The following UNC13C variants were observed in gnomAD, a reference collection of about 807,000 sequenced individuals.
The protein encoded by UNC13C is unc-13 homolog C.
Under a neutral mutation model 245.4 loss-of-function variants are expected in UNC13C, and 174 were observed. The ratio of observed to expected loss-of-function variants is 0.71; its 90% CI spans 0.63 to 0.80. The LOEUF is 0.80. Among genes scored for constraint, UNC13C ranks in the 30% least tolerant of loss-of-function variants. UNC13C has a pLI of 0.00. For missense variants in UNC13C, 2,829 were observed against 2,602.9 expected, an observed-to-expected ratio of 1.09 and a Z score of -1.89; for synonymous variants, 992 against 895.1, an observed-to-expected ratio of 1.11 and a Z score of -1.93.
the UNC13C span, among the ~76,000 whole-genome samples, chr15:53,944,947 A>G: frequency 2.0e-5 from 3 of 152,140 alleles, no homozygotes; most frequent in Admixed American, 1.3e-4. Context: ...CTTTTTAATA[A>G]TAGCCATTCT....
chr15:53,844,899 A>G, the UNC13C span, among the ~76,000 whole-genome samples: 7 of 152,286 alleles, frequency 4.6e-5, no homozygotes, highest in South Asian at 4.1e-4. Context: ...GTTTGTCACC[A>G]TGTTGTCTTT....
intron 17 of UNC13C, among the ~76,000 whole-genome samples, chr15:54,368,287 T>C (rs1466617064): frequency 6.6e-6 from 1 of 152,202 alleles, no homozygotes; most frequent in Non-Finnish European, 1.5e-5. Flanking sequence ...GAATTTGTTT[T>C]CTGCTACAGT....
chr15:53,982,049 G>A (rs1893948116), intron 1 of UNC13C, among the ~76,000 whole-genome samples: 1 of 152,070 alleles, frequency 6.6e-6, no homozygotes. Flanking sequence ...AGAAAGATAG[G>A]AACTCAACAT....
At chr15:54,016,724 C>G (rs935002171) in intron 2 of UNC13C, among the ~76,000 whole-genome samples, 1 of 152,168 alleles carries the variant, frequency 6.6e-6, no homozygotes, top group South Asian at 2.1e-4. Context: ...CAACTTCCTC[C>G]GCACTTATTC....
At chr15:54,191,863 G>C (rs146000843) in intron 4 of UNC13C, among the ~76,000 whole-genome samples, 274 of 152,166 alleles carry the variant, frequency 1.8e-3, no homozygotes, top group Middle Eastern at 3.4e-3. Flanking sequence ...TTTGAGAAGT[G>C]TCTGTTCATA....
At chr15:54,324,694 G>A (rs1382867133) in intron 14 of UNC13C, among the ~76,000 whole-genome samples, 6 of 151,916 alleles carry the variant, frequency 3.9e-5, no homozygotes, top group South Asian at 2.1e-4. Context: ...AAACTATTTT[G>A]GGAAAAGGGT....
chr15:53,878,606 C>G, the UNC13C span, among the ~76,000 whole-genome samples: 2 of 152,070 alleles, frequency 1.3e-5, no homozygotes, highest in African/African-American at 4.8e-5. Flanking sequence ...CCATGCACTT[C>G]TTGTCTGTGC....
In UNC13C at chr15:54,624,270, T is replaced by C. The variant is rs143451129; in HGVS notation, c.6359+316T>C. ...GCATTAAATACAATATGCAGAACTA[T>C]GTGGTAAGTGCTATGACTAGCTGCT... is the stretch of plus-strand genomic sequence containing the variant. On this transcript the variant is annotated intron_variant, in intron 32 of 32. Transcript: ENST00000260323. Among the ~76,000 whole-genome samples the C allele has an allele frequency of 1.1e-3, 171 of 152,278 alleles. 1 individual carries two copies. In the East Asian group the frequency reaches 0.03, roughly 27 times the overall value.
intron 4 of UNC13C, among the ~76,000 whole-genome samples, chr15:54,185,613 C>G (rs1194533933): frequency 2.7e-5 from 4 of 147,432 alleles, no homozygotes; most frequent in African/African-American, 1.1e-4. Flanking sequence ...GGGCTCTGTT[C>G]TGTTCCATTG....
chr15:54,329,712 T>C (rs536092315), intron 14 of UNC13C, among the ~76,000 whole-genome samples: 1 of 152,106 alleles, frequency 6.6e-6, no homozygotes, highest in Non-Finnish European at 1.5e-5. Flanking sequence ...ATACTTTTAA[T>C]TTCACATCAT....
At chr15:54,050,162 G>A (rs1351920986) in intron 2 of UNC13C, 35 of 435,600 alleles carry the variant, frequency 8.0e-5, no homozygotes, top group South Asian at 6.0e-4. Flanking sequence ...GTAGAGACAG[G>A]GGTTTCACCA....
rs545767856 is a variant in UNC13C, at chr15:54,524,704, C to T, written c.5458-845C>T. Reference sequence around the variant, plus strand: ...GATATTAGGTCCTATATTTAGTTGGCATTCTTAGATTCTCTTACTTATACT... The same window carrying T: ...GATATTAGGTCCTATATTTAGTTGGTATTCTTAGATTCTCTTACTTATACT... On this transcript the variant is annotated intron_variant, in intron 24 of 32. Coordinates refer to ENST00000260323, the MANE Select transcript of UNC13C (RefSeq NM_001080534.3). 3.3e-5 allele frequency among the ~76,000 whole-genome samples: 5 copies of T among 152,198 alleles called. No homozygotes were observed. In the East Asian group the frequency reaches 7.7e-4, roughly 24 times the overall value.
At chr15:54,390,490 T>A (rs1375736986) in intron 17 of UNC13C, among the ~76,000 whole-genome samples, 1 of 152,100 alleles carries the variant, frequency 6.6e-6, no homozygotes, top group East Asian at 1.9e-4. Context: ...GTTTCTTCAA[T>A]AATCTATTAA....
chr15:54,313,000 T>C (rs1021983216), intron 13 of UNC13C, among the ~76,000 whole-genome samples: 1 of 151,820 alleles, frequency 6.6e-6, no homozygotes, highest in Admixed American at 6.6e-5. Flanking sequence ...TTGGTTTTCT[T>C]GGAAGTTTCC....
intron 24 of UNC13C, among the ~76,000 whole-genome samples, chr15:54,521,218 A>T (rs567630333): frequency 1.3e-5 from 2 of 152,278 alleles, no homozygotes; most frequent in African/African-American, 2.4e-5. Context: ...CAGAATAATG[A>T]TTAAATTTTG....
At chr15:54,082,017 A>G (rs1030193223) in intron 2 of UNC13C, among the ~76,000 whole-genome samples, 1 of 152,150 alleles carries the variant, frequency 6.6e-6, no homozygotes, top group Non-Finnish European at 1.5e-5. Flanking sequence ...TGCCTGGGAA[A>G]AGTTTTATTT....
chr15:54,580,958 A>G (rs1191338117), intron 30 of UNC13C, among the ~76,000 whole-genome samples: 1 of 152,190 alleles, frequency 6.6e-6, no homozygotes, highest in African/African-American at 2.4e-5. Context: ...ATATTTATTG[A>G]ACCTGTACTG....
At chr15:54,536,361 G>A (rs964952206) in intron 26 of UNC13C, among the ~76,000 whole-genome samples, 7 of 151,764 alleles carry the variant, frequency 4.6e-5, no homozygotes, top group African/African-American at 1.7e-4. Flanking sequence ...AACCAGAAAA[G>A]GCCCTGGAGC....
the UNC13C span, among the ~76,000 whole-genome samples, chr15:53,906,987 C>A: frequency 6.6e-6 from 1 of 152,044 alleles, no homozygotes; most frequent in East Asian, 1.9e-4. Flanking sequence ...CCAACCACCC[C>A]CCTCTCTCGA....
Sources: allele counts gnomAD v4.1 joint callset (sites outside exome capture counted in the v4.1 genomes callset), GRCh38; gene constraint gnomAD v4.1.1; transcripts MANE v1.5; gene names NCBI Gene and HGNC (gene_info 2026-07-23, HGNC 2026-07-21).